Variants in DTWD2 observed in about 807,000 individuals in gnomAD.
The protein encoded by DTWD2 is tRNA-uridine aminocarboxypropyltransferase 2.
A neutral mutation model predicts 31.8 loss-of-function variants in DTWD2; 39 were observed. The ratio of observed to expected loss-of-function variants is 1.22; its 90% CI spans 0.95 to 1.60. The LOEUF (loss-of-function observed/expected upper bound fraction) is 1.60. Ranked by LOEUF, DTWD2 falls within the 40% of genes most tolerant of loss-of-function variation. The pLI is 0.00. For missense variants in DTWD2, 515 were observed against 381.5 expected (o/e 1.35, Z -2.92); for synonymous variants, 180 against 142.8 (o/e 1.26, Z -1.86).
chr5:118,928,203 T>G (rs1253249533), intron 4 of DTWD2, among the ~76,000 whole-genome samples: 1 of 152,026 alleles, frequency 6.6e-6, no homozygotes, highest in East Asian at 1.9e-4. Context: ...TAATGCTTCT[T>G]AACAAAACAC....
At chr5:118,850,008 T>A (rs1411207031) in intron 4 of DTWD2, among the ~76,000 whole-genome samples, 1 of 149,496 alleles carries the variant, frequency 6.7e-6, no homozygotes, top group African/African-American at 2.5e-5. Context: ...TCCCAGAACT[T>A]AGAGCATAAT....
At chr5:118,980,251 G>A (rs773425786) in intron 1 of DTWD2, among the ~76,000 whole-genome samples, 4 of 152,200 alleles carry the variant, frequency 2.6e-5, no homozygotes, top group Non-Finnish European at 5.9e-5. Context: ...AACACACTAA[G>A]TTCAAGGTCC....
chr5:118,895,088 A>G (rs887512090), intron 4 of DTWD2, among the ~76,000 whole-genome samples: 1 of 152,176 alleles, frequency 6.6e-6, no homozygotes, highest in African/African-American at 2.4e-5. Context: ...TTGTTTGCAG[A>G]CTACATGTCC....
chr5:118,921,137 C>T (rs1753693550), intron 4 of DTWD2, among the ~76,000 whole-genome samples: 1 of 152,086 alleles, frequency 6.6e-6, no homozygotes, highest in Non-Finnish European at 1.5e-5. Context: ...CTATCTACAA[C>T]CTCAGAGATA....
At chr5:118,878,610 A>G (rs1400761946) in intron 4 of DTWD2, among the ~76,000 whole-genome samples, 3 of 152,212 alleles carry the variant, frequency 2.0e-5, no homozygotes, top group African/African-American at 7.2e-5. Flanking sequence ...CATAACAAAA[A>G]TCTTTGTTGA....
intron 4 of DTWD2, among the ~76,000 whole-genome samples, chr5:118,873,074 A>T (rs1752542142): frequency 6.6e-6 from 1 of 152,224 alleles, no homozygotes; most frequent in South Asian, 2.1e-4. Context: ...GCAAGGAGCA[A>T]TCTGCTCTCA....
At chr5:118,913,540 T>C (rs1399428058) in intron 4 of DTWD2, among the ~76,000 whole-genome samples, 2 of 151,406 alleles carry the variant, frequency 1.3e-5, no homozygotes, top group Non-Finnish European at 2.9e-5. Context: ...GTAAGAATTA[T>C]ATACAAAACC....
At chr5:118,936,760 A>G (rs1361887622) in intron 3 of DTWD2, among the ~76,000 whole-genome samples, 1 of 152,152 alleles carries the variant, frequency 6.6e-6, no homozygotes, top group East Asian at 1.9e-4. Context: ...AAAAAAATTG[A>G]CAATAAAGAG....
chr5:118,851,693 G>C (rs1474557368), intron 4 of DTWD2, among the ~76,000 whole-genome samples: 1 of 118,416 alleles, frequency 8.4e-6, no homozygotes, highest in Non-Finnish European at 1.7e-5. Context: ...CTGTTGTGGG[G>C]TGGGGGGAGG....
At chr5:118,846,967 TACACAC>T (rs1751873564) in intron 5 of DTWD2, among the ~76,000 whole-genome samples, 1 of 82,698 alleles carries the variant, frequency 1.2e-5, no homozygotes, top group African/African-American at 3.9e-5. Context: ...CACACACACA[TACACAC>T]GAAAATCCTA....
At chr5:118,923,300 C>T (rs1753742307) in intron 4 of DTWD2, among the ~76,000 whole-genome samples, 1 of 152,150 alleles carries the variant, frequency 6.6e-6, no homozygotes. Context: ...ATTCAGGGCG[C>T]CAGAGCGAGG....
chr5:118,948,161 C>T (rs918912028), intron 1 of DTWD2, among the ~76,000 whole-genome samples: 1 of 152,044 alleles, frequency 6.6e-6, no homozygotes, highest in Admixed American at 6.6e-5. Flanking sequence ...GGCGATTAAG[C>T]CTGGTGGAAC....
At chr5:118,914,069 T>C (rs1192924182) in intron 4 of DTWD2, among the ~76,000 whole-genome samples, 1 of 152,178 alleles carries the variant, frequency 6.6e-6, no homozygotes, top group Non-Finnish European at 1.5e-5. Flanking sequence ...TATGCCTTCT[T>C]ATCAGATATA....
At chr5:118,960,097 C>G (rs1754674187) in intron 1 of DTWD2, among the ~76,000 whole-genome samples, 1 of 151,954 alleles carries the variant, frequency 6.6e-6, no homozygotes, top group Non-Finnish European at 1.5e-5. Flanking sequence ...ACAAATGGGA[C>G]TTAATTAAAA....
chr5:118,862,709 C>T (rs182075091), intron 4 of DTWD2, among the ~76,000 whole-genome samples: 201 of 152,244 alleles, frequency 1.3e-3, no homozygotes, highest in African/African-American at 4.4e-3. Flanking sequence ...CACCAGAACC[C>T]CCAATTTGTT....
At chr5:118,957,667 A>C (rs1754617204) in intron 1 of DTWD2, among the ~76,000 whole-genome samples, 1 of 152,136 alleles carries the variant, frequency 6.6e-6, no homozygotes, top group Non-Finnish European at 1.5e-5. Flanking sequence ...ATTCAGAAAC[A>C]CTCCCAAGAA....
At chr5:118,957,291 G>A (rs965432995) in intron 1 of DTWD2, among the ~76,000 whole-genome samples, 4 of 151,558 alleles carry the variant, frequency 2.6e-5, no homozygotes, top group Non-Finnish European at 4.4e-5. Flanking sequence ...GCATGATCTC[G>A]GCTCACTGCA....
At chr5:118,928,848 T>G in intron 3 of DTWD2, 119 bp from the exon 4 acceptor site, 1 of 799,258 alleles carries the variant, frequency 1.3e-6, no homozygotes, top group Non-Finnish European at 1.8e-6. Context: ...TAATCAAATA[T>G]AAGTATTAGT....
chr5:118,842,610 GC>G (rs1008944337), intron 5 of DTWD2, among the ~76,000 whole-genome samples: 6 of 152,036 alleles, frequency 3.9e-5, no homozygotes, highest in African/African-American at 1.4e-4. Context: ...ATTAACCACT[GC>G]AGTAAGGGCT....
Sources: gnomAD v4.1 joint callset for allele counts (sites outside exome capture counted in the v4.1 genomes callset) on GRCh38, gnomAD v4.1.1 for gene constraint, MANE v1.5 for transcripts, NCBI Gene and HGNC (gene_info 2026-07-23, HGNC 2026-07-21) for gene names.